Variants in PSME4 observed in about 807,000 individuals in gnomAD.
PSME4 encodes proteasome activator complex subunit 4.
A neutral mutation model predicts 253.9 loss-of-function variants in PSME4; 89 were observed. That is an observed-to-expected ratio of 0.35 (90% confidence interval 0.30 to 0.42). The LOEUF is 0.42. Ranked by LOEUF, PSME4 falls within the 10% of genes least tolerant of loss-of-function variation. The pLI, the probability that PSME4 is intolerant of heterozygous loss-of-function variation, is 1.00. For missense variants in PSME4, 2,014 were observed against 2,195.2 expected, an observed-to-expected ratio of 0.92 and a Z score of 1.65; for synonymous variants, 851 against 759.2, an observed-to-expected ratio of 1.12 and a Z score of -1.99.
intron 41 of PSME4, among the ~76,000 whole-genome samples, chr2:53,877,278 G>C (rs904011198): frequency 2.6e-5 from 4 of 151,130 alleles, no homozygotes; most frequent in Non-Finnish European, 4.4e-5. Flanking sequence ...AAATTAGCTG[G>C]GCTTGGTGCC....
At chr2:53,946,245 G>A (rs979434353) in intron 3 of PSME4, among the ~76,000 whole-genome samples, 1 of 152,198 alleles carries the variant, frequency 6.6e-6, no homozygotes, top group Non-Finnish European at 1.5e-5. Flanking sequence ...GAAGCAGCAA[G>A]AAGGCATACT....
chr2:53,904,843 C>A (rs1268306472), intron 26 of PSME4, among the ~76,000 whole-genome samples: 1 of 151,422 alleles, frequency 6.6e-6, no homozygotes, highest in Non-Finnish European at 1.5e-5. Context: ...ACAAAATTAG[C>A]CAGGCATGGT....
At chr2:53,923,975 A>C (rs2104453878) in intron 14 of PSME4, among the ~76,000 whole-genome samples, 1 of 151,960 alleles carries the variant, frequency 6.6e-6, no homozygotes, top group East Asian at 1.9e-4. Context: ...TTGCCACAGA[A>C]ACCCTACACA....
At chr2:53,947,305 A>G (rs960423397) in intron 3 of PSME4, among the ~76,000 whole-genome samples, 2 of 152,254 alleles carry the variant, frequency 1.3e-5, no homozygotes, top group African/African-American at 4.8e-5. Flanking sequence ...GAAATAATGT[A>G]GACATGCCTA....
chr2:53,967,084 C>T lies in PSME4; in HGVS notation c.242+3459G>A, dbSNP rs571704260. 3.3e-5 allele frequency among the ~76,000 whole-genome samples: 5 copies of T among 152,326 alleles called. No homozygotes were observed. In the South Asian group the frequency reaches 1.0e-3, roughly 32 times the overall value. On this transcript the variant is annotated intron_variant, in intron 1 of 46. Transcript: ENST00000404125. ...TTCACTCACAGTGTCCATGAGCTGT[C>T]TGCCATTGTCCAAAGACCATTAATT...
At chr2:53,874,287 G>A (rs993356622) in intron 43 of PSME4, 52 bp downstream of exon 43, 16 of 1,537,200 alleles carry the variant, frequency 1.0e-5, no homozygotes, top group Non-Finnish European at 1.4e-5. Flanking sequence ...AGGGAACCAT[G>A]ATGGTTTCTT....
At chr2:53,900,049 T>C (rs753478855) in intron 28 of PSME4, 32 bp from the exon 29 acceptor site, 1 of 1,598,178 alleles carries the variant, frequency 6.3e-7, no homozygotes, top group Non-Finnish European at 8.5e-7. Flanking sequence ...GGAAAAAAAA[T>C]GAAGTTCTGA....
At chr2:53,886,636 TC>T in intron 40 of PSME4, among the ~76,000 whole-genome samples, 1 of 151,912 alleles carries the variant, frequency 6.6e-6, no homozygotes. Context: ...CAGAGAAGAG[TC>T]TGGCAGCTCT....
intron 8 of PSME4, among the ~76,000 whole-genome samples, chr2:53,933,469 T>C (rs1443095654): frequency 6.8e-6 from 1 of 146,108 alleles, no homozygotes. Context: ...AGCCTCAATC[T>C]CCTAGGCTCA....
At chr2:53,958,959 T>A (rs1670357314) in intron 1 of PSME4, among the ~76,000 whole-genome samples, 1 of 152,124 alleles carries the variant, frequency 6.6e-6, no homozygotes, top group Non-Finnish European at 1.5e-5. Context: ...AGGAATTACA[T>A]GTTAAAACTT....
At chr2:53,895,947 T>C (rs1680119075) in intron 32 of PSME4, among the ~76,000 whole-genome samples, 1 of 152,170 alleles carries the variant, frequency 6.6e-6, no homozygotes, top group African/African-American at 2.4e-5. Flanking sequence ...TCAGTTATTT[T>C]GGGGGAGAGA....
intron 41 of PSME4, among the ~76,000 whole-genome samples, chr2:53,883,734 A>G (rs1679504480): frequency 1.4e-5 from 2 of 147,546 alleles, no homozygotes; most frequent in African/African-American, 2.6e-5. Context: ...TGTTGGCTCA[A>G]TTCTTATACT....
chr2:53,966,663 A>G (rs1445448194), intron 1 of PSME4, among the ~76,000 whole-genome samples: 1 of 152,038 alleles, frequency 6.6e-6, no homozygotes, highest in Non-Finnish European at 1.5e-5. Context: ...CCCTCATGAA[A>G]GGTCCAGAAA....
chr2:53,969,265 G>A (rs1425404714), intron 1 of PSME4, among the ~76,000 whole-genome samples: 1 of 152,144 alleles, frequency 6.6e-6, no homozygotes, highest in South Asian at 2.1e-4. Flanking sequence ...CAAGGGGAGA[G>A]CTGTTAACCT....
At chr2:53,952,337 T>C (rs1263577431) in intron 1 of PSME4, among the ~76,000 whole-genome samples, 2 of 152,102 alleles carry the variant, frequency 1.3e-5, no homozygotes, top group African/African-American at 4.8e-5. Context: ...GGTCAAGAGA[T>C]GGAGACCATC....
chr2:53,953,269 C>T (rs1006156224), intron 1 of PSME4, among the ~76,000 whole-genome samples: 3 of 151,846 alleles, frequency 2.0e-5, no homozygotes, highest in South Asian at 2.1e-4. Context: ...CACTATAAGA[C>T]ACCATTAAAA....
intron 8 of PSME4, among the ~76,000 whole-genome samples, chr2:53,934,162 A>G (rs1016631814): frequency 1.3e-5 from 2 of 152,190 alleles, no homozygotes; most frequent in Non-Finnish European, 2.9e-5. Context: ...AATGATGTCA[A>G]CAAAGTAATC....
chr2:53,945,160 C>G (rs1222398796), intron 3 of PSME4, among the ~76,000 whole-genome samples: 2 of 152,060 alleles, frequency 1.3e-5, no homozygotes, highest in Non-Finnish European at 1.5e-5. Flanking sequence ...TAAAAGCATA[C>G]CTATGCATAA....
chr2:53,968,139 G>C lies in PSME4; in HGVS notation c.242+2404C>G, dbSNP rs753060320. Among the ~76,000 whole-genome samples the C allele has an allele frequency of 4.1e-4, 63 of 152,054 alleles. No homozygotes were observed. In the Middle Eastern group the frequency reaches 0.027, roughly 66 times the overall value. On this transcript the variant is annotated intron_variant, in intron 1 of 46. Coordinates refer to ENST00000404125, the MANE Select transcript of PSME4 (RefSeq NM_014614.3). Reference sequence around the variant, plus strand: ...AATACAAAAAAAGTAGCCAGGCATGGTGGCACTCGCCTATAATCCTACCTA... The same window carrying C: ...AATACAAAAAAAGTAGCCAGGCATGCTGGCACTCGCCTATAATCCTACCTA...
Sources: gnomAD v4.1 joint callset for allele counts (sites outside exome capture counted in the v4.1 genomes callset) on GRCh38, gnomAD v4.1.1 for gene constraint, MANE v1.5 for transcripts, NCBI Gene and HGNC (gene_info 2026-07-23, HGNC 2026-07-21) for gene names.